Variants in IL27RA observed in about 807,000 individuals in gnomAD.
IL27RA encodes interleukin 27 receptor subunit alpha.
IL27RA carries 61 observed loss-of-function variants against 80.8 expected under a neutral mutation model. That is an observed-to-expected ratio of 0.76 (90% CI 0.61 to 0.93). IL27RA has a LOEUF of 0.93. Ranked by LOEUF, IL27RA falls within the 40% of genes least tolerant of loss-of-function variation. The pLI is 0.00. For synonymous variants in IL27RA, 316 were observed against 332.5 expected (o/e 0.95, Z 0.54); for missense variants, 735 against 808.1 (o/e 0.91, Z 1.10).
At position 14,050,868 on chromosome 19, in the gene IL27RA, C is replaced by T. The variant is rs758522482; in HGVS notation, c.1513C>T (p.Arg505Trp). Reference protein sequence around the residue: ...AGQGPPGPILRLHLPDNTLRW... With the variant: ...AGQGPPGPILWLHLPDNTLRW... ...ACAGGGCCCTCCTGGTCCCATCCTC[C>T]GGCTTCATCTACCAGGTAGGGGGGT... The change falls in exon 11 of 14, where the codon CGG becomes TGG. Residue 505 changes from arginine (R) to tryptophan (W), a missense_variant. Coordinates refer to ENST00000263379, the MANE Select transcript of IL27RA (RefSeq NM_004843.4). The T allele has an allele frequency of 1.2e-5, 20 of 1,609,418 alleles. No individual in the cohort carries two copies. The highest frequency in any genetic ancestry group is 8.0e-5 in the African/African-American group (6 of 74,840).
intron 11 of IL27RA, among the ~76,000 whole-genome samples, chr19:14,051,359 A>G (rs1976159675): frequency 6.6e-6 from 1 of 152,068 alleles, no homozygotes; most frequent in Admixed American, 6.6e-5. Flanking sequence ...AGCCTGGCCA[A>G]TGTGGTGAAA....
At position 14,034,006 on chromosome 19, in the gene IL27RA, G is replaced by A. The variant is rs188525283; in HGVS notation, c.218+1503G>A. 5.6e-3 allele frequency among the ~76,000 whole-genome samples: 848 copies of A among 152,210 alleles called. 6 individuals carry two copies. The highest frequency in any genetic ancestry group is 0.045 in the Middle Eastern group (13 of 292). The stretch of plus-strand genomic sequence containing the variant: ...AAAATAAAAAAGGGAAATAATAACA[G>A]AACCTGCCTCCGAAGGTTAAGTCTG... On this transcript the variant is annotated intron_variant, in intron 2 of 13. Coordinates refer to ENST00000263379, the MANE Select transcript of IL27RA (RefSeq NM_004843.4).
At chr19:14,032,101 C>A in intron 1 of IL27RA, 129 bp downstream of exon 1, 1 of 853,214 alleles carries the variant, frequency 1.2e-6, no homozygotes. Flanking sequence ...CGGCTCCTCC[C>A]GGGGCAGGGA....
At position 14,050,802 on chromosome 19, in the gene IL27RA, G is replaced by A; in HGVS notation, c.1447G>A (p.Gly483Ser). ...QSVTLPDLPW[G>S]PCELWVTAST... The stretch of plus-strand genomic sequence containing the variant: ...TGTCACCCTGCCTGACCTTCCTTGG[G>A]GTCCCTGTGAGCTGTGGGTGACAGC... Residue 483 changes from glycine to serine, a missense_variant, in exon 11 of 14, where the codon GGT becomes AGT. Coordinates refer to ENST00000263379, the MANE Select transcript of IL27RA (RefSeq NM_004843.4). 1 of 1,613,590 alleles carries A rather than the reference G, an allele frequency of 6.2e-7. No individual in the cohort carries two copies. The highest frequency in any genetic ancestry group is 8.5e-7 in the Non-Finnish European group (1 of 1,179,620).
chr19:14,047,210 AT>A (rs564818958), intron 8 of IL27RA, among the ~76,000 whole-genome samples: 2,578 of 130,668 alleles, frequency 0.02, 48 homozygotes, highest in African/African-American at 0.055. Context: ...CAATCGGTTA[AT>A]TTTTTTTTTT....
chr19:14,036,261 A>G (rs1186825002), intron 2 of IL27RA, among the ~76,000 whole-genome samples: 1 of 151,926 alleles, frequency 6.6e-6, no homozygotes, highest in African/African-American at 2.4e-5. Flanking sequence ...TCCCAAAATA[A>G]TGGAATTACA....
intron 2 of IL27RA, 94 bp from the exon 3 acceptor site, chr19:14,039,414 A>C: frequency 7.0e-7 from 1 of 1,429,014 alleles, no homozygotes; most frequent in Non-Finnish European, 9.5e-7. Flanking sequence ...ACCCAAGCAG[A>C]GCAGGCTGCA....
chr19:14,042,877 G>C, intron 6 of IL27RA, 88 bp downstream of exon 6: 1 of 1,205,536 alleles, frequency 8.3e-7, no homozygotes, highest in Non-Finnish European at 1.2e-6. Context: ...AGTGGCTCAC[G>C]CTTGTAATCC....
At chr19:14,035,480 C>T (rs1310116750) in intron 2 of IL27RA, among the ~76,000 whole-genome samples, 2 of 152,070 alleles carry the variant, frequency 1.3e-5, no homozygotes, top group African/African-American at 4.8e-5. Context: ...ACTGCAACCT[C>T]CGCCTCCCGG....
intron 8 of IL27RA, among the ~76,000 whole-genome samples, chr19:14,047,903 C>T (rs1308201457): frequency 1.3e-5 from 2 of 150,280 alleles, no homozygotes; most frequent in African/African-American, 4.9e-5. Context: ...ACCTCGTGAT[C>T]TGCCCTCCTC....
chr19:14,044,495 T>A (rs1303878386), intron 6 of IL27RA, among the ~76,000 whole-genome samples: 1 of 151,870 alleles, frequency 6.6e-6, no homozygotes, highest in African/African-American at 2.4e-5. Flanking sequence ...CCACTCGGCC[T>A]CCCAAAGTGC....
In IL27RA at chr19:14,042,461, G is replaced by C; in HGVS notation, c.543G>C (p.Pro181=). The C allele has an allele frequency of 2.5e-6, 4 of 1,613,686 alleles. No homozygotes were observed. Among genetic ancestry groups the C allele is most frequent in the Non-Finnish European group, 3.4e-6 (4 of 1,179,718 alleles). ...CQEAAWTLLE[P]ELKTIPLTPV... ...GCCTGTCTCTCCCCCAGCTGGAACC[G>C]GAGCTGAAGACCATACCCCTGACCC... Residue 181 remains proline (P), a synonymous_variant, in exon 5 of 14, where the codon CCG becomes CCC. Transcript: ENST00000263379.
chr19:14,040,010 C>A, intron 4 of IL27RA, 100 bp downstream of exon 4: 1 of 1,217,712 alleles, frequency 8.2e-7, no homozygotes, highest in Non-Finnish European at 1.2e-6. Flanking sequence ...CTGTGCCTGC[C>A]CCTGAGCCTG....
rs1599302342 is a variant in IL27RA at position 14,046,635 on chromosome 19, C to T, written c.1141+17C>T. On this transcript the variant is annotated intron_variant, in intron 8 of 13. Coordinates refer to ENST00000263379, the MANE Select transcript of IL27RA (RefSeq NM_004843.4). ...TGTTACCAGGTGAGGCCCTGGGACA[C>T]CTGGGTCTCCATCCCCGCTGTTAGA... is the stretch of plus-strand genomic sequence containing the variant. 1.3e-6 allele frequency: 2 copies of T among 1,573,266 alleles called. No homozygotes were observed. The highest frequency in any genetic ancestry group is 1.7e-6 in the Non-Finnish European group (2 of 1,158,604).
chr19:14,036,842 T>G (rs1249297311), intron 2 of IL27RA, among the ~76,000 whole-genome samples: 5 of 145,312 alleles, frequency 3.4e-5, no homozygotes, highest in Non-Finnish European at 7.7e-5. Context: ...TATACCACAT[T>G]TTTTTTTTTT....
At chr19:14,043,134 C>G (rs192712128) in intron 6 of IL27RA, among the ~76,000 whole-genome samples, 1,547 of 152,134 alleles carry the variant, frequency 0.01, 35 homozygotes, top group African/African-American at 0.035. Context: ...AAGAGTGAAA[C>G]TCCGTCTCCA....
At position 14,052,225 on chromosome 19, in the gene IL27RA, C is replaced by A; in HGVS notation, c.1846C>A (p.His616Asn). 6.3e-7 allele frequency: 1 copy of A among 1,594,320 alleles called. No homozygotes were observed. Among genetic ancestry groups the A allele is most frequent in the South Asian group, 1.1e-5 (1 of 87,076 alleles). ...CCCGCTTGACTCTGGGTATGAGAAGCACTTCCTGCCCACACCTGAGGAGCT... is the reference window on the plus strand; with the variant it reads ...CCCGCTTGACTCTGGGTATGAGAAGAACTTCCTGCCCACACCTGAGGAGCT... ...TAPLDSGYEK[H>N]FLPTPEELGL... is the part of the protein sequence containing the mutation. Residue 616 changes from histidine to asparagine, a missense_variant, in exon 14 of 14, where the codon CAC (histidine) becomes AAC (asparagine). Coordinates refer to ENST00000263379, the MANE Select transcript of IL27RA (RefSeq NM_004843.4).
At chr19:14,037,832 C>CTTTTTTT (rs1555764859) in intron 2 of IL27RA, among the ~76,000 whole-genome samples, 49 of 125,108 alleles carry the variant, frequency 3.9e-4, no homozygotes, top group Admixed American at 8.9e-4. Context: ...CGCTCTCTCT[C>CTTTTTTT]TCTTTTTTTT....
At chr19:14,035,844 G>A (rs943153249) in intron 2 of IL27RA, among the ~76,000 whole-genome samples, 8 of 151,930 alleles carry the variant, frequency 5.3e-5, no homozygotes, top group East Asian at 1.9e-4. Flanking sequence ...GCAGCGGTGC[G>A]ATCATAGCTC....
Sources: allele counts gnomAD v4.1 joint callset (sites outside exome capture counted in the v4.1 genomes callset), GRCh38; gene constraint gnomAD v4.1.1; transcripts MANE v1.5; gene names NCBI Gene and HGNC (gene_info 2026-07-23, HGNC 2026-07-21).